CSMD3: variants seen among roughly 807,000 people sequenced by gnomAD.
CSMD3 encodes the protein CUB and Sushi multiple domains 3.
Under a neutral mutation model 435.2 loss-of-function variants are expected in CSMD3, and 177 were observed. That is an observed-to-expected ratio of 0.41 (90% CI 0.36 to 0.46). The LOEUF (loss-of-function observed/expected upper bound fraction) is 0.46. Among genes scored for constraint, CSMD3 ranks in the 20% least tolerant of loss-of-function variants. The pLI is 0.34. For missense variants in CSMD3, 4,265 were observed against 4,504.6 expected, an observed-to-expected ratio of 0.95 and a Z score of 1.52; for synonymous variants, 1,656 against 1,520.5, an observed-to-expected ratio of 1.09 and a Z score of -2.07.
intron 4 of CSMD3, among the ~76,000 whole-genome samples, chr8:113,161,535 T>A (rs1339634980): frequency 6.6e-6 from 1 of 152,116 alleles, no homozygotes; most frequent in South Asian, 2.1e-4. Flanking sequence ...AAATAGAAAC[T>A]TTGCTCAACT....
At chr8:112,900,614 A>G (rs1044931251) in intron 10 of CSMD3, among the ~76,000 whole-genome samples, 19 of 151,264 alleles carry the variant, frequency 1.3e-4, no homozygotes, top group Non-Finnish European at 1.9e-4. Context: ...TGGCATCCAT[A>G]AAACTGTGGC....
At chr8:113,277,142 A>C (rs918934920) in intron 3 of CSMD3, among the ~76,000 whole-genome samples, 9 of 152,010 alleles carry the variant, frequency 5.9e-5, no homozygotes, top group African/African-American at 1.9e-4. Context: ...CTTAGCACAA[A>C]ATAATTGCAT....
intron 47 of CSMD3, among the ~76,000 whole-genome samples, chr8:112,317,323 T>G (rs1400391712): frequency 2.0e-5 from 3 of 151,944 alleles, no homozygotes; most frequent in African/African-American, 4.8e-5. Flanking sequence ...TCGTAAAAAA[T>G]TTTTTGAATT....
intron 32 of CSMD3, among the ~76,000 whole-genome samples, chr8:112,456,154 A>T (rs1816824249): frequency 1.3e-5 from 2 of 152,160 alleles, no homozygotes; most frequent in African/African-American, 4.8e-5. Context: ...GAAATATTAT[A>T]GAAGAAAAAT....
At chr8:113,024,527 T>C (rs1310102902) in intron 5 of CSMD3, among the ~76,000 whole-genome samples, 4 of 152,188 alleles carry the variant, frequency 2.6e-5, no homozygotes, top group Non-Finnish European at 4.4e-5. Flanking sequence ...TTGAGGAACA[T>C]ACATACTATT....
At chr8:113,053,341 T>G (rs1438914763) in intron 5 of CSMD3, among the ~76,000 whole-genome samples, 1 of 152,096 alleles carries the variant, frequency 6.6e-6, no homozygotes, top group Non-Finnish European at 1.5e-5. Context: ...ATTATATAAT[T>G]TAAGTAGGAA....
intron 3 of CSMD3, among the ~76,000 whole-genome samples, chr8:113,191,068 T>A (rs2092577867): frequency 6.6e-6 from 1 of 151,830 alleles, no homozygotes; most frequent in Admixed American, 6.6e-5. Context: ...AGATTCAACT[T>A]TCTTCTTAGT....
intron 5 of CSMD3, among the ~76,000 whole-genome samples, chr8:113,023,343 T>C (rs566517621): frequency 1.3e-5 from 2 of 152,098 alleles, no homozygotes; most frequent in Non-Finnish European, 1.5e-5. Context: ...ATTACCTCCA[T>C]GACTTTGTAT....
intron 11 of CSMD3, among the ~76,000 whole-genome samples, chr8:112,844,943 GCT>G (rs2080276586): frequency 6.6e-6 from 1 of 151,868 alleles, no homozygotes; most frequent in Non-Finnish European, 1.5e-5. Context: ...ATTCAACACA[GCT>G]CTGATTATGC....
intron 4 of CSMD3, among the ~76,000 whole-genome samples, chr8:113,125,516 G>C (rs192498637): frequency 2.0e-5 from 3 of 151,886 alleles, no homozygotes; most frequent in Non-Finnish European, 2.9e-5. Context: ...GAGGATAGGA[G>C]GGAGACAAGA....
intron 63 of CSMD3, among the ~76,000 whole-genome samples, chr8:112,253,564 G>T (rs1405410923): frequency 6.6e-6 from 1 of 152,006 alleles, no homozygotes; most frequent in African/African-American, 2.4e-5. Context: ...ATTGGGTAAT[G>T]TGTAAATTGG....
chr8:112,876,433 T>C (rs1279901627), intron 10 of CSMD3, among the ~76,000 whole-genome samples: 2 of 152,136 alleles, frequency 1.3e-5, no homozygotes, highest in African/African-American at 4.8e-5. Flanking sequence ...AAATTCTCAA[T>C]AAAATACTGG....
chr8:112,474,808 G>A (rs189209215), intron 31 of CSMD3, among the ~76,000 whole-genome samples: 10 of 152,240 alleles, frequency 6.6e-5, no homozygotes, highest in East Asian at 1.9e-4. Context: ...GTTGTATTGC[G>A]TTGAGTGATG....
rs1363597316 is a variant in CSMD3, at chr8:113,422,076, A to G, written c.178+14601T>C. On this transcript the variant is annotated intron_variant, in intron 1 of 70. Transcript: ENST00000297405. ...TATCTCCCCCTGTAAATCGTTTACT[A>G]ATCCTAAAATTAACTACTGCCACTG... Among the ~76,000 whole-genome samples, 4 of 152,238 alleles carry G rather than the reference A, an allele frequency of 2.6e-5. No individual in the cohort carries two copies. The South Asian group carries it at 6.2e-4, about 24-fold the overall frequency.
chr8:113,242,668 T>G (rs1451316859), intron 3 of CSMD3, among the ~76,000 whole-genome samples: 3 of 151,996 alleles, frequency 2.0e-5, no homozygotes, highest in Non-Finnish European at 4.4e-5. Context: ...ATTAATTGAT[T>G]TTTGGTAACA....
At chr8:113,436,150 A>G (rs1466587585) in intron 1 of CSMD3, among the ~76,000 whole-genome samples, 1 of 152,154 alleles carries the variant, frequency 6.6e-6, no homozygotes, top group East Asian at 1.9e-4. Flanking sequence ...CCCAATTTAC[A>G]TACATATGCA....
At chr8:113,080,954 G>T (rs914664776) in intron 5 of CSMD3, among the ~76,000 whole-genome samples, 1 of 151,972 alleles carries the variant, frequency 6.6e-6, no homozygotes, top group South Asian at 2.1e-4. Flanking sequence ...AGATAGAATT[G>T]GAAATTTAAA....
At chr8:113,300,771 T>C (rs1294635105) in intron 2 of CSMD3, among the ~76,000 whole-genome samples, 1 of 152,018 alleles carries the variant, frequency 6.6e-6, no homozygotes, top group East Asian at 1.9e-4. Flanking sequence ...ATTATATGTA[T>C]CCCAAAGCTC....
chr8:113,325,540 T>C (rs1441535190), intron 1 of CSMD3, among the ~76,000 whole-genome samples: 1 of 152,172 alleles, frequency 6.6e-6, no homozygotes, highest in African/African-American at 2.4e-5. Context: ...GCTCTTTCTT[T>C]TGTAAATTGT....
Sources: gnomAD v4.1 joint callset for allele counts (sites outside exome capture counted in the v4.1 genomes callset) on GRCh38, gnomAD v4.1.1 for gene constraint, MANE v1.5 for transcripts, NCBI Gene and HGNC (gene_info 2026-07-23, HGNC 2026-07-21) for gene names.